Variants in HS6ST3 observed in about 807,000 individuals in gnomAD.
HS6ST3 encodes the protein heparan sulfate 6-O-sulfotransferase 3.
In HS6ST3, 12 loss-of-function variants were observed where a neutral mutation model predicts 36.7. The observed-to-expected ratio is 0.33, with a 90% CI of 0.21 to 0.53. The LOEUF (loss-of-function observed/expected upper bound fraction) is 0.53. Among genes scored for constraint, HS6ST3 ranks in the 20% least tolerant of loss-of-function variants. The pLI is 0.95. For synonymous variants in HS6ST3, 240 were observed against 257.5 expected (o/e 0.93, Z 0.65); for missense variants, 584 against 640.9 (o/e 0.91, Z 0.96).
chr13:96,555,041 C>T (rs566540546), intron 1 of HS6ST3, among the ~76,000 whole-genome samples: 3 of 152,146 alleles, frequency 2.0e-5, no homozygotes, highest in African/African-American at 7.2e-5. Context: ...GGTCATGCCG[C>T]TGCACTCCAG....
intron 1 of HS6ST3, among the ~76,000 whole-genome samples, chr13:96,391,053 A>G (rs1268304841): frequency 6.6e-6 from 1 of 152,014 alleles, no homozygotes; most frequent in Non-Finnish European, 1.5e-5. Flanking sequence ...CATCCCAGCC[A>G]CGCCGTACAT....
intron 1 of HS6ST3, among the ~76,000 whole-genome samples, chr13:96,721,525 G>A (rs1875845480): frequency 6.6e-6 from 1 of 152,132 alleles, no homozygotes; most frequent in Non-Finnish European, 1.5e-5. Flanking sequence ...CTGAGCTAAT[G>A]TCAAACGAGC....
intron 1 of HS6ST3, among the ~76,000 whole-genome samples, chr13:96,546,559 A>G (rs1386596373): frequency 6.6e-6 from 1 of 152,184 alleles, no homozygotes; most frequent in Non-Finnish European, 1.5e-5. Flanking sequence ...ATGAGATGAA[A>G]TAGCTTTACA....
At chr13:96,421,557 C>T (rs1334470835) in intron 1 of HS6ST3, among the ~76,000 whole-genome samples, 1 of 152,204 alleles carries the variant, frequency 6.6e-6, no homozygotes. Context: ...GACATGTAGT[C>T]ACCTGAATGT....
At chr13:96,808,478 G>T (rs1878247500) in intron 1 of HS6ST3, among the ~76,000 whole-genome samples, 1 of 152,190 alleles carries the variant, frequency 6.6e-6, no homozygotes. Flanking sequence ...GTTCGAATTG[G>T]CTGTTTTATT....
intron 1 of HS6ST3, among the ~76,000 whole-genome samples, chr13:96,744,515 G>C (rs2138487413): frequency 6.6e-6 from 1 of 152,166 alleles, no homozygotes; most frequent in South Asian, 2.1e-4. Flanking sequence ...TGCATGAGGG[G>C]GAGGTTAAGG....
chr13:96,105,908 A>C (rs149674561), intron 1 of HS6ST3, among the ~76,000 whole-genome samples: 1 of 152,204 alleles, frequency 6.6e-6, no homozygotes, highest in Admixed American at 6.5e-5. Context: ...TTTACATCAC[A>C]ACATTTTAGT....
chr13:96,199,019 T>C (rs541985403), intron 1 of HS6ST3, among the ~76,000 whole-genome samples: 26 of 152,284 alleles, frequency 1.7e-4, no homozygotes, highest in African/African-American at 3.8e-4. Context: ...CTCAGAATCA[T>C]GGTGTTGGCA....
intron 1 of HS6ST3, among the ~76,000 whole-genome samples, chr13:96,523,056 G>A (rs950604462): frequency 6.6e-6 from 1 of 152,150 alleles, no homozygotes; most frequent in Non-Finnish European, 1.5e-5. Context: ...AGGCAGGCCT[G>A]GTGGTGACAA....
At chr13:96,618,923 G>A (rs569654021) in intron 1 of HS6ST3, among the ~76,000 whole-genome samples, 1 of 152,110 alleles carries the variant, frequency 6.6e-6, no homozygotes, top group East Asian at 1.9e-4. Context: ...GAGCCTGCAT[G>A]CTTCTCAGAT....
chr13:96,584,375 C>G (rs190871804), intron 1 of HS6ST3, among the ~76,000 whole-genome samples: 24 of 152,242 alleles, frequency 1.6e-4, no homozygotes, highest in Admixed American at 1.0e-3. Context: ...AACTCCTGAT[C>G]TCAAGTGATC....
At chr13:96,155,101 A>G (rs998199411) in intron 1 of HS6ST3, among the ~76,000 whole-genome samples, 1 of 152,230 alleles carries the variant, frequency 6.6e-6, no homozygotes, top group South Asian at 2.1e-4. Context: ...CACGTGTATT[A>G]CAATACATGT....
At chr13:96,802,552 A>T (rs1322741871) in intron 1 of HS6ST3, among the ~76,000 whole-genome samples, 1 of 152,142 alleles carries the variant, frequency 6.6e-6, no homozygotes, top group Non-Finnish European at 1.5e-5. Context: ...ATGCTTAATT[A>T]TCCGTCATTT....
chr13:96,343,066 T>C (rs1358614898), intron 1 of HS6ST3, among the ~76,000 whole-genome samples: 1 of 152,204 alleles, frequency 6.6e-6, no homozygotes, highest in Non-Finnish European at 1.5e-5. Flanking sequence ...CGGAAGGGAA[T>C]TGCATACTAA....
At chr13:96,117,910 C>T (rs1194249096) in intron 1 of HS6ST3, among the ~76,000 whole-genome samples, 1 of 151,726 alleles carries the variant, frequency 6.6e-6, no homozygotes, top group Non-Finnish European at 1.5e-5. Flanking sequence ...CCCTCTGTCA[C>T]CCAGGCTGGA....
At chr13:96,755,277 CTTG>C (rs1187361531) in intron 1 of HS6ST3, among the ~76,000 whole-genome samples, 1 of 151,980 alleles carries the variant, frequency 6.6e-6, no homozygotes, top group Non-Finnish European at 1.5e-5. Context: ...TTGTGTTTGC[CTTG>C]TTTTTTCATA....
intron 1 of HS6ST3, among the ~76,000 whole-genome samples, chr13:96,111,323 T>G (rs1366199023): frequency 3.9e-5 from 6 of 152,244 alleles, no homozygotes; most frequent in Admixed American, 2.6e-4. Flanking sequence ...AACTGCCTAC[T>G]TCCAAAGACA....
At chr13:96,638,921 A>C (rs1165914100) in intron 1 of HS6ST3, among the ~76,000 whole-genome samples, 1 of 152,026 alleles carries the variant, frequency 6.6e-6, no homozygotes, top group South Asian at 2.1e-4. Context: ...ATTGAGTTTT[A>C]ATTCATTCAG....
At chr13:96,268,009 A>G (rs994181035) in intron 1 of HS6ST3, among the ~76,000 whole-genome samples, 2 of 149,832 alleles carry the variant, frequency 1.3e-5, no homozygotes, top group Non-Finnish European at 3.0e-5. Context: ...CTCAAGTGCA[A>G]AGAGAGAGAG....
Sources: gnomAD v4.1 joint callset for allele counts (sites outside exome capture counted in the v4.1 genomes callset) on GRCh38, gnomAD v4.1.1 for gene constraint, MANE v1.5 for transcripts, NCBI Gene and HGNC (gene_info 2026-07-23, HGNC 2026-07-21) for gene names.